DGKK: variants seen among roughly 807,000 people sequenced by gnomAD.
DGKK encodes diacylglycerol kinase kappa.
DGKK carries 35 observed loss-of-function variants against 92.2 expected under a neutral mutation model. The ratio of observed to expected loss-of-function variants is 0.38; its 90% CI spans 0.29 to 0.50. The LOEUF (loss-of-function observed/expected upper bound fraction) is 0.50, where lower values mean the gene tolerates loss of function less well. Among genes scored for constraint, DGKK ranks in the 20% least tolerant of loss-of-function variants. DGKK has a pLI of 0.92. For synonymous variants in DGKK, 368 were observed against 360.6 expected, an observed-to-expected ratio of 1.02 and a Z score of -0.23; for missense variants, 910 against 992.2, an observed-to-expected ratio of 0.92 and a Z score of 1.11.
chrX:50,413,680 C>T (rs1205092119), intron 4 of DGKK, among the ~76,000 whole-genome samples: 4 of 111,699 alleles, frequency 3.6e-5, no homozygotes, highest in Non-Finnish European at 7.5e-5. Flanking sequence ...GTTAGAATGG[C>T]TTTTTAACAA....
At chrX:50,384,872 G>C in intron 15 of DGKK, 48 bp from the exon 16 acceptor site, 1 of 974,598 alleles carries the variant, frequency 1.0e-6, no homozygotes. Flanking sequence ...AAGGAGGAAG[G>C]GAGGGAGGAA....
chrX:50,403,095 A>G lies in DGKK; in HGVS notation c.1274T>C (p.Leu425Pro). The part of the protein sequence containing the change: ...CHESCGSYQR[L>P]QDFRCLWCNS... ...ACACCACAGGCAGCGGAAGTCTTGA[A>G]GTCTTTGATAACTGCCACAGCTCTC... The change falls in exon 7 of 28, where the codon CTT (leucine) becomes CCT (proline). Residue 425 changes from leucine (L) to proline (P), a missense_variant. Coordinates refer to ENST00000611977, the MANE Select transcript of DGKK (RefSeq NM_001013742.4). The G allele has an allele frequency of 1.7e-6, 2 of 1,210,653 alleles. No homozygotes were observed. The highest frequency in any genetic ancestry group is 1.7e-5 in the African/African-American group (1 of 57,848).
chrX:50,420,522 A>C lies in DGKK; in HGVS notation c.838-15T>G. ...GGTGTAATAACCTAAACAAAAAGCC[A>C]CATTATTAGCTGGTTCCCACTCCAT... On this transcript the variant is annotated splice_polypyrimidine_tract_variant and intron_variant, in intron 3 of 27. Transcript: ENST00000611977. 1 of 1,194,847 alleles carries C rather than the reference A, an allele frequency of 8.4e-7. No homozygotes were observed. The highest frequency in any genetic ancestry group is 3.0e-5 in the East Asian group (1 of 33,672).
At chrX:50,379,308 T>G (rs1602268133) in intron 20 of DGKK, among the ~76,000 whole-genome samples, 1 of 78,527 alleles carries the variant, frequency 1.3e-5, no homozygotes, top group South Asian at 7.0e-4. Flanking sequence ...AGAGCAAGAC[T>G]CCGTTTCAAA....
intron 1 of DGKK, among the ~76,000 whole-genome samples, chrX:50,438,014 C>T (rs1926077562): frequency 9.2e-6 from 1 of 108,310 alleles, no homozygotes; most frequent in Non-Finnish European, 1.9e-5. Flanking sequence ...CACACACACA[C>T]AAAAAAAAAG....
intron 1 of DGKK, among the ~76,000 whole-genome samples, chrX:50,432,091 C>T (rs782482317): frequency 1.8e-5 from 2 of 111,535 alleles, no homozygotes; most frequent in Non-Finnish European, 1.9e-5. Flanking sequence ...ACCAACTGTC[C>T]TGGTTTTCCC....
At chrX:50,444,430 C>T (rs1557231572) in intron 1 of DGKK, among the ~76,000 whole-genome samples, 2 of 110,432 alleles carry the variant, frequency 1.8e-5, no homozygotes, top group Non-Finnish European at 1.9e-5. Context: ...TTTTCTGATC[C>T]TCTCCCTCCT....
chrX:50,428,777 C>T (rs1458028946), intron 1 of DGKK, among the ~76,000 whole-genome samples: 2 of 111,163 alleles, frequency 1.8e-5, no homozygotes, highest in Non-Finnish European at 3.8e-5. Context: ...AGTCCTTTTC[C>T]TTCTGAATTC....
intron 1 of DGKK, among the ~76,000 whole-genome samples, chrX:50,433,656 C>T (rs782399097): frequency 2.6e-4 from 29 of 111,412 alleles, no homozygotes; most frequent in African/African-American, 9.1e-4. Context: ...GTTGCCTTTG[C>T]TCCACAAATC....
chrX:50,430,787 A>G (rs781934863), intron 1 of DGKK, among the ~76,000 whole-genome samples: 1 of 112,024 alleles, frequency 8.9e-6, no homozygotes, highest in Non-Finnish European at 1.9e-5. Flanking sequence ...TGCTCTGTAC[A>G]ACTCAGCATG....
At position 50,402,759 on chromosome X, in the gene DGKK, C is replaced by G. The variant is rs1476407081; in HGVS notation, c.1308+302G>C. ...AGAAAGGGAGTAGGTTTCTCAAAGG[C>G]AGACTCAGAACTTATTTTTAATTGC... On this transcript the variant is annotated intron_variant, in intron 7 of 27. Coordinates refer to ENST00000611977, the MANE Select transcript of DGKK (RefSeq NM_001013742.4). Among the ~76,000 whole-genome samples the G allele has an allele frequency of 1.3e-4, 14 of 111,639 alleles. No individual in the cohort carries two copies. The Admixed American group carries it at 1.3e-3, about 11-fold the overall frequency.
In DGKK at chrX:50,371,845, C is replaced by T. The variant is rs1557223269; in HGVS notation, c.3502-11G>A. 9 of 1,118,809 alleles carry T rather than the reference C, an allele frequency of 8.0e-6. No individual in the cohort carries two copies. The South Asian group carries it at 1.1e-4, about 14-fold the overall frequency. 92.2% of individuals were successfully genotyped at this position (1,118,809 alleles called of 1,213,427 possible). ...CTCAGCACTTCTCAGCTGGTACAGA[C>T]AGGAAAAAGAGTAAGTGTCCAATGC... On this transcript the variant is annotated splice_polypyrimidine_tract_variant and intron_variant, in intron 25 of 27. Transcript: ENST00000611977.
At chrX:50,449,631 C>A (rs1285812582) in intron 1 of DGKK, among the ~76,000 whole-genome samples, 1 of 110,691 alleles carries the variant, frequency 9.0e-6, no homozygotes, top group African/African-American at 3.3e-5. Context: ...ACAGTGGCTT[C>A]AAGAGCTGAG....
chrX:50,450,393 G>T (rs1045679631), intron 1 of DGKK, among the ~76,000 whole-genome samples: 1 of 112,035 alleles, frequency 8.9e-6, no homozygotes, highest in Non-Finnish European at 1.9e-5. Context: ...GAACTTGGAT[G>T]TTGCTGCCCT....
At chrX:50,462,280 T>C (rs1232681493) in intron 1 of DGKK, among the ~76,000 whole-genome samples, 1 of 110,516 alleles carries the variant, frequency 9.0e-6, no homozygotes, top group Non-Finnish European at 1.9e-5. Flanking sequence ...AAATGTATCA[T>C]CCTTTAGCCT....
intron 22 of DGKK, among the ~76,000 whole-genome samples, chrX:50,377,349 T>G (rs1043599854): frequency 1.8e-5 from 2 of 112,610 alleles, no homozygotes; most frequent in Non-Finnish European, 3.7e-5. Flanking sequence ...TTCTGTCATT[T>G]ACTAGTTGTG....
At chrX:50,455,987 G>C (rs782122730) in intron 1 of DGKK, among the ~76,000 whole-genome samples, 1 of 111,989 alleles carries the variant, frequency 8.9e-6, no homozygotes, top group Non-Finnish European at 1.9e-5. Flanking sequence ...AATGTGAAAG[G>C]TGTCCCATTA....
At position 50,470,364 on chromosome X, in the gene DGKK, A is replaced by C. The variant is rs782603251; in HGVS notation, c.315T>G (p.Pro105=). The change falls in exon 1 of 28, where the codon CCT becomes CCG. Residue 105 remains proline, a synonymous_variant. Coordinates refer to ENST00000611977, the MANE Select transcript of DGKK (RefSeq NM_001013742.4). ...PEPATEPAPE[P]ATEPAPEPAP... Reference sequence around the variant, plus strand: ...CCGGTTCTGGGGCCGGCTCTGTGGCAGGTTCTGGGGCCGGCTCTGTGGCAG... The same window carrying C: ...CCGGTTCTGGGGCCGGCTCTGTGGCCGGTTCTGGGGCCGGCTCTGTGGCAG... 3 of 1,200,966 alleles carry C rather than the reference A, an allele frequency of 2.5e-6. No homozygotes were observed. Among genetic ancestry groups the C allele is most frequent in the Non-Finnish European group, 3.4e-6 (3 of 891,689 alleles).
At position 50,365,994 on chromosome X, in the gene DGKK, C is replaced by T. The variant is rs1254728006; in HGVS notation, c.*2946G>A. 1 of 111,721 alleles carries T rather than the reference C, an allele frequency of 9.0e-6. No homozygotes were observed. The highest frequency in any genetic ancestry group is 1.9e-5 in the Non-Finnish European group (1 of 53,144). The allele number at this position is 111,721 out of a possible 1,213,427, so 9.2% of individuals were successfully genotyped here. On this transcript the variant is annotated 3_prime_UTR_variant, in exon 28 of 28. Coordinates refer to ENST00000611977, the MANE Select transcript of DGKK (RefSeq NM_001013742.4). ...AGTTCAAATGTATCGGCTTTTTCTT[C>T]TCCACTATTCTTCTGGCCAGGAATT... is the stretch of plus-strand genomic sequence containing the variant.
Sources: gnomAD v4.1 joint callset for allele counts (sites outside exome capture counted in the v4.1 genomes callset) on GRCh38, gnomAD v4.1.1 for gene constraint, MANE v1.5 for transcripts, NCBI Gene and HGNC (gene_info 2026-07-23, HGNC 2026-07-21) for gene names.